Variants in CCSER1 observed in about 807,000 individuals in gnomAD.
CCSER1 encodes the protein coiled-coil serine rich protein 1.
A neutral mutation model predicts 82.0 loss-of-function variants in CCSER1; 41 were observed. The observed-to-expected ratio is 0.50, with a 90% CI of 0.39 to 0.65. The LOEUF is 0.65. Ranked by LOEUF, CCSER1 falls within the 30% of genes least tolerant of loss-of-function variation. The pLI is 0.00. For synonymous variants in CCSER1, 414 were observed against 383.9 expected, an observed-to-expected ratio of 1.08 and a Z score of -0.92; for missense variants, 1,119 against 1,064.2, an observed-to-expected ratio of 1.05 and a Z score of -0.72.
At chr4:90,658,221 C>T (rs932295810) in intron 6 of CCSER1, among the ~76,000 whole-genome samples, 1 of 152,110 alleles carries the variant, frequency 6.6e-6, no homozygotes, top group Admixed American at 6.5e-5. Flanking sequence ...TCTCCTTGTA[C>T]ACCTGATAAT....
chr4:91,537,744 C>A (rs1368371398), intron 10 of CCSER1, among the ~76,000 whole-genome samples: 1 of 151,702 alleles, frequency 6.6e-6, no homozygotes, highest in African/African-American at 2.4e-5. Context: ...AATCATAAAG[C>A]TTTACATCCC....
At chr4:90,532,335 C>T (rs1225580207) in intron 5 of CCSER1, among the ~76,000 whole-genome samples, 2 of 152,064 alleles carry the variant, frequency 1.3e-5, no homozygotes, top group African/African-American at 4.8e-5. Flanking sequence ...ACTGGAAACA[C>T]TCACATTTGC....
chr4:91,075,407 G>T (rs1281762255), intron 9 of CCSER1, among the ~76,000 whole-genome samples: 1 of 152,000 alleles, frequency 6.6e-6, no homozygotes. Flanking sequence ...ACATCCCCCA[G>T]AGTATTTTTA....
At chr4:90,611,597 A>G (rs1209508227) in intron 5 of CCSER1, among the ~76,000 whole-genome samples, 1 of 151,308 alleles carries the variant, frequency 6.6e-6, no homozygotes, top group Non-Finnish European at 1.5e-5. Flanking sequence ...TGATTGGTAT[A>G]TTTTATTTTT....
At chr4:90,615,134 A>T (rs1288345011) in intron 5 of CCSER1, among the ~76,000 whole-genome samples, 1 of 151,532 alleles carries the variant, frequency 6.6e-6, no homozygotes, top group African/African-American at 2.4e-5. Flanking sequence ...CCACTGTTGA[A>T]ACCTACTGCT....
chr4:91,371,918 T>TA lies in CCSER1; in HGVS notation c.2218-226652dup, dbSNP rs764824652. Among the ~76,000 whole-genome samples the TA allele has an allele frequency of 2.6e-5, 4 of 152,168 alleles. No individual in the cohort carries two copies. The East Asian group carries it at 7.7e-4, about 29-fold the overall frequency. On this transcript the variant is annotated intron_variant, in intron 10 of 10. Coordinates refer to ENST00000509176, the MANE Select transcript of CCSER1 (RefSeq NM_001145065.2). The stretch of plus-strand genomic sequence containing the variant: ...AAAAAGAAGAATGACACAGGGGGCA[T>TA]AATAAGATCAGAACAGACTTTACAC...
chr4:90,208,189 G>C (rs1464267761), intron 1 of CCSER1, among the ~76,000 whole-genome samples: 3 of 152,078 alleles, frequency 2.0e-5, no homozygotes, highest in Non-Finnish European at 1.5e-5. Context: ...TTTCAGAGAT[G>C]CCCTACACAG....
intron 7 of CCSER1, among the ~76,000 whole-genome samples, chr4:90,802,822 T>C (rs1233758712): frequency 6.6e-6 from 1 of 152,186 alleles, no homozygotes; most frequent in Non-Finnish European, 1.5e-5. Context: ...GAGCAGAATA[T>C]ATTGTCAATG....
At chr4:90,285,011 C>G (rs928173677) in intron 1 of CCSER1, among the ~76,000 whole-genome samples, 3 of 151,940 alleles carry the variant, frequency 2.0e-5, no homozygotes, top group African/African-American at 7.2e-5. Flanking sequence ...TGTTTTTATG[C>G]TAGTATCATG....
At chr4:91,196,178 CA>C (rs61336014) in intron 10 of CCSER1, among the ~76,000 whole-genome samples, 4,402 of 60,786 alleles carry the variant, frequency 0.072, 188 homozygotes, top group African/African-American at 0.17. Flanking sequence ...AACAGCGAGA[CA>C]AAAAAAAAAA....
intron 9 of CCSER1, among the ~76,000 whole-genome samples, chr4:91,050,317 G>A (rs548252054): frequency 1.3e-3 from 203 of 151,834 alleles, no homozygotes; most frequent in African/African-American, 4.6e-3. Flanking sequence ...TGTAATCCCC[G>A]CTACTTGGGA....
chr4:91,153,381 C>G (rs924857634), intron 10 of CCSER1, among the ~76,000 whole-genome samples: 1 of 151,934 alleles, frequency 6.6e-6, no homozygotes, highest in African/African-American at 2.4e-5. Context: ...AAGGTCTTCT[C>G]TACGCTGTTT....
At chr4:90,179,062 G>C (rs952023960) in intron 1 of CCSER1, among the ~76,000 whole-genome samples, 1 of 152,148 alleles carries the variant, frequency 6.6e-6, no homozygotes, top group Non-Finnish European at 1.5e-5. Context: ...GACTTCTGGT[G>C]ATGCTGGTGT....
chr4:90,611,059 C>CTTTTCTTTTTTTTTTTTTTTTTTTTTT (rs1303751301), intron 5 of CCSER1, among the ~76,000 whole-genome samples: 2 of 93,808 alleles, frequency 2.1e-5, no homozygotes, highest in African/African-American at 5.6e-5. Context: ...CTTTTCTTTT[C>CTTTTCTTTTTTTTTTTTTTTTTTTTTT]TTTTTTTTTT....
chr4:90,409,721 A>T (rs62312939), intron 4 of CCSER1, among the ~76,000 whole-genome samples: 6,026 of 152,308 alleles, frequency 0.04, 145 homozygotes, highest in Middle Eastern at 0.075. Flanking sequence ...AACTGCATCA[A>T]CTAAAGAGCA....
At chr4:90,694,100 C>T (rs892172285) in intron 6 of CCSER1, among the ~76,000 whole-genome samples, 2 of 151,722 alleles carry the variant, frequency 1.3e-5, no homozygotes, top group African/African-American at 4.8e-5. Context: ...GGATAAATGA[C>T]CAGAAAGAGA....
At chr4:90,341,895 A>G (rs1282766261) in intron 3 of CCSER1, among the ~76,000 whole-genome samples, 1 of 152,174 alleles carries the variant, frequency 6.6e-6, no homozygotes, top group Non-Finnish European at 1.5e-5. Flanking sequence ...TGTTTACCTT[A>G]TATGCATAGA....
chr4:91,176,476 TG>T (rs2149016427), intron 10 of CCSER1, among the ~76,000 whole-genome samples: 1 of 152,328 alleles, frequency 6.6e-6, no homozygotes, highest in Admixed American at 6.5e-5. Flanking sequence ...TTCTTCCATT[TG>T]TTTGTGTCCT....
intron 10 of CCSER1, among the ~76,000 whole-genome samples, chr4:91,589,832 C>G (rs967601039): frequency 2.0e-5 from 3 of 151,888 alleles, no homozygotes; most frequent in Admixed American, 1.3e-4. Context: ...CAATAATTGT[C>G]TGAAATTCTC....
Sources: allele counts gnomAD v4.1 joint callset (sites outside exome capture counted in the v4.1 genomes callset), GRCh38; gene constraint gnomAD v4.1.1; transcripts MANE v1.5; gene names NCBI Gene and HGNC (gene_info 2026-07-23, HGNC 2026-07-21).